DPYD: variants seen among roughly 807,000 people sequenced by gnomAD.
DPYD encodes the protein dihydropyrimidine dehydrogenase, also known as dihydropyrimidine dehydrogenase [NADP(+)].
A neutral mutation model predicts 116.2 loss-of-function variants in DPYD; 109 were observed. The ratio of observed to expected loss-of-function variants is 0.94; its 90% CI spans 0.80 to 1.10. The LOEUF is 1.10. Ranked by LOEUF, DPYD falls within the 50% of genes least tolerant of loss-of-function variation. The pLI is 0.00. For synonymous variants in DPYD, 440 were observed against 432.0 expected, an observed-to-expected ratio of 1.02 and a Z score of -0.23; for missense variants, 1,302 against 1,254.5, an observed-to-expected ratio of 1.04 and a Z score of -0.57.
At chr1:97,549,109 A>C (rs1235021199) in intron 12 of DPYD, among the ~76,000 whole-genome samples, 1 of 151,508 alleles carries the variant, frequency 6.6e-6, no homozygotes, top group Non-Finnish European at 1.5e-5. Context: ...TCTGTTGTCC[A>C]GGTTGAAGTG....
intron 10 of DPYD, among the ~76,000 whole-genome samples, chr1:97,576,447 A>G (rs1653266958): frequency 6.6e-6 from 1 of 152,186 alleles, no homozygotes; most frequent in African/African-American, 2.4e-5. Flanking sequence ...CTATCTATTA[A>G]TACCTCTACA....
intron 10 of DPYD, 29 bp from the exon 11 acceptor site, chr1:97,573,999 T>C (rs781441615): frequency 3.7e-6 from 6 of 1,610,556 alleles, no homozygotes; most frequent in South Asian, 3.3e-5. Flanking sequence ...GAGAAGAAAC[T>C]TGAAAATGTT....
chr1:97,161,489 AG>A (rs1438804848), intron 20 of DPYD, among the ~76,000 whole-genome samples: 1 of 152,152 alleles, frequency 6.6e-6, no homozygotes. Flanking sequence ...ATCAACAAAC[AG>A]CCATAAATAT....
chr1:97,673,798 T>C (rs185680898), intron 8 of DPYD, among the ~76,000 whole-genome samples: 1 of 152,040 alleles, frequency 6.6e-6, no homozygotes, highest in East Asian at 1.9e-4. Context: ...TCATCACAAG[T>C]AAAATAATTG....
At chr1:97,782,236 T>C (rs1666787568) in intron 3 of DPYD, among the ~76,000 whole-genome samples, 1 of 152,228 alleles carries the variant, frequency 6.6e-6, no homozygotes, top group Non-Finnish European at 1.5e-5. Context: ...CCATACTGCC[T>C]GGTTCACTTC....
intron 20 of DPYD, among the ~76,000 whole-genome samples, chr1:97,168,113 G>T (rs1159915131): frequency 1.3e-5 from 2 of 152,118 alleles, no homozygotes; most frequent in African/African-American, 4.8e-5. Flanking sequence ...GGAACTCTAA[G>T]AACATAAAAT....
chr1:97,251,391 T>TAAAAAAAAAAAAAAAAAAAA (rs10581072), intron 18 of DPYD, among the ~76,000 whole-genome samples: 11 of 95,316 alleles, frequency 1.2e-4, no homozygotes, highest in East Asian at 6.8e-4. Context: ...AAACTCTGTC[T>TAAAAAAAAAAAAAAAAAAAA]AAAAAAAAAA....
intron 20 of DPYD, among the ~76,000 whole-genome samples, chr1:97,135,771 T>C (rs1653740992): frequency 1.3e-5 from 2 of 152,148 alleles, no homozygotes; most frequent in Non-Finnish European, 2.9e-5. Context: ...ATAGCTAAAT[T>C]GATTGATTGA....
chr1:97,920,796 C>T, intron 1 of DPYD, 88 bp downstream of exon 1: 1 of 1,511,640 alleles, frequency 6.6e-7, no homozygotes. Context: ...CTCCGGGGTG[C>T]GGGGGCCGCG....
At position 97,672,851 on chromosome 1, in the gene DPYD, A is replaced by C. The variant is rs550130968; in HGVS notation, c.850+6244T>G. Among the ~76,000 whole-genome samples the C allele has an allele frequency of 7.9e-4, 120 of 152,220 alleles. 1 individual carries two copies. The highest frequency in any genetic ancestry group is 1.3e-3 in the Non-Finnish European group (89 of 68,008). ...ACCACAATCTCTCGATGGATTTTTT[A>C]AATTATAATTATCTGTTATTTGTCT... On this transcript the variant is annotated intron_variant, in intron 8 of 22. Transcript: ENST00000370192.
At chr1:97,705,409 T>G (rs902034335) in intron 5 of DPYD, among the ~76,000 whole-genome samples, 1 of 152,136 alleles carries the variant, frequency 6.6e-6, no homozygotes, top group Non-Finnish European at 1.5e-5. Flanking sequence ...TTGCGATAGT[T>G]TGCTGAAAAT....
chr1:97,177,284 G>T (rs566236102), intron 20 of DPYD, among the ~76,000 whole-genome samples: 1 of 152,218 alleles, frequency 6.6e-6, no homozygotes, highest in African/African-American at 2.4e-5. Context: ...AAAAGTCAAA[G>T]AATACATTTC....
intron 11 of DPYD, among the ~76,000 whole-genome samples, chr1:97,559,922 T>A (rs1271082868): frequency 6.6e-6 from 1 of 152,184 alleles, no homozygotes; most frequent in Non-Finnish European, 1.5e-5. Flanking sequence ...ATATACTATC[T>A]CTTTGGATCC....
chr1:97,882,516 A>G (rs1262760779), intron 2 of DPYD, among the ~76,000 whole-genome samples: 1 of 152,080 alleles, frequency 6.6e-6, no homozygotes, highest in Non-Finnish European at 1.5e-5. Flanking sequence ...TGTCTCACTC[A>G]TTAATTTGGG....
intron 4 of DPYD, among the ~76,000 whole-genome samples, chr1:97,739,870 T>C (rs1664166819): frequency 6.6e-6 from 1 of 152,142 alleles, no homozygotes. Context: ...GTTCTACTCA[T>C]GCCCATATAA....
chr1:97,602,648 C>T (rs530428195), intron 8 of DPYD, among the ~76,000 whole-genome samples: 1 of 151,700 alleles, frequency 6.6e-6, no homozygotes, highest in African/African-American at 2.4e-5. Flanking sequence ...AAAATTATGG[C>T]TTTCTTTATG....
intron 11 of DPYD, among the ~76,000 whole-genome samples, chr1:97,555,608 A>G (rs1162954053): frequency 6.6e-6 from 1 of 152,014 alleles, no homozygotes; most frequent in Non-Finnish European, 1.5e-5. Context: ...TCTTGCCCCC[A>G]CTGTCAGGAG....
chr1:97,412,767 A>G (rs1421190147), intron 14 of DPYD, among the ~76,000 whole-genome samples: 1 of 152,222 alleles, frequency 6.6e-6, no homozygotes, highest in African/African-American at 2.4e-5. Context: ...AGAATAAAGC[A>G]AGAACAGCCT....
At chr1:97,530,249 G>A (rs1431160827) in intron 12 of DPYD, among the ~76,000 whole-genome samples, 1 of 120,578 alleles carries the variant, frequency 8.3e-6, no homozygotes, top group African/African-American at 3.2e-5. Context: ...ACGGAGTCTC[G>A]CTCTGTCACC....
Sources: gnomAD v4.1 joint callset for allele counts (sites outside exome capture counted in the v4.1 genomes callset) on GRCh38, gnomAD v4.1.1 for gene constraint, MANE v1.5 for transcripts, NCBI Gene and HGNC (gene_info 2026-07-23, HGNC 2026-07-21) for gene names.